The following DACH2 variants were observed in gnomAD, a reference collection of about 807,000 sequenced individuals.
The protein encoded by DACH2 is dachshund family transcription factor 2, also known as dachshund homolog 2.
A neutral mutation model predicts 35.8 loss-of-function variants in DACH2; 17 were observed. That is an observed-to-expected ratio of 0.48 (90% CI 0.33 to 0.71). The LOEUF (loss-of-function observed/expected upper bound fraction) is 0.71. Ranked by LOEUF, DACH2 falls within the 30% of genes least tolerant of loss-of-function variation. DACH2 has a pLI of 0.02. For synonymous variants in DACH2, 195 were observed against 177.3 expected (o/e 1.10, Z -0.79); for missense variants, 469 against 472.7 (o/e 0.99, Z 0.07).
rs183954019 is a variant in DACH2 at position 86,518,001 on chromosome X, G to A, written c.640+3610G>A. Reference sequence around the variant, plus strand: ...CTATGTCTAGGATGGTATTGCCTTGGTTGTCTTCAAGGGATTTTATAATTT... The same window carrying A: ...CTATGTCTAGGATGGTATTGCCTTGATTGTCTTCAAGGGATTTTATAATTT... On this transcript the variant is annotated intron_variant, in intron 3 of 11. Coordinates refer to ENST00000373125, the MANE Select transcript of DACH2 (RefSeq NM_053281.3). 2.0e-3 allele frequency among the ~76,000 whole-genome samples: 219 copies of A among 111,544 alleles called. 2 individuals are homozygous for A. The highest frequency in any genetic ancestry group is 6.9e-3 in the African/African-American group (212 of 30,706).
intron 3 of DACH2, among the ~76,000 whole-genome samples, chrX:86,526,465 T>G (rs1382865640): frequency 1.8e-5 from 2 of 111,648 alleles, no homozygotes; most frequent in Non-Finnish European, 3.8e-5. Flanking sequence ...TGTGACTTGT[T>G]TGCTCCCTTT....
intron 7 of DACH2, among the ~76,000 whole-genome samples, chrX:86,770,006 A>T (rs763673104): frequency 3.0e-4 from 32 of 106,731 alleles, no homozygotes; most frequent in South Asian, 8.2e-4. Context: ...TATAAAAAAA[A>T]TAAATAAAAA....
At position 86,309,556 on chromosome X, in the gene DACH2, C is replaced by T. The variant is rs1287931119; in HGVS notation, c.489-67268C>T. Among the ~76,000 whole-genome samples, 3 of 111,680 alleles carry T rather than the reference C, an allele frequency of 2.7e-5. No homozygotes were observed. The Admixed American group carries it at 2.9e-4, about 11-fold the overall frequency. The stretch of plus-strand genomic sequence containing the variant: ...TCACACTGGTCCATTACATTGATGA[C>T]ATTATGCTGATTGGATCCAGGGAGC... On this transcript the variant is annotated intron_variant, in intron 1 of 11. Coordinates refer to ENST00000373125, the MANE Select transcript of DACH2 (RefSeq NM_053281.3).
intron 1 of DACH2, among the ~76,000 whole-genome samples, chrX:86,338,276 C>A (rs769255764): frequency 8.9e-6 from 1 of 111,787 alleles, no homozygotes; most frequent in South Asian, 3.7e-4. Context: ...CTTCTCAGCA[C>A]CACATTACAC....
At chrX:86,744,997 G>GT (rs1382708046) in intron 7 of DACH2, among the ~76,000 whole-genome samples, 1 of 110,580 alleles carries the variant, frequency 9.0e-6, no homozygotes, top group Non-Finnish European at 1.9e-5. Context: ...CAGGAATAGG[G>GT]TTTTTGTGAT....
At chrX:86,616,440 C>G (rs1262104911) in intron 3 of DACH2, among the ~76,000 whole-genome samples, 1 of 111,653 alleles carries the variant, frequency 9.0e-6, no homozygotes, top group Non-Finnish European at 1.9e-5. Context: ...ATCTGTTATT[C>G]TTTGACTTGT....
At chrX:86,669,900 GT>G (rs1345404173) in intron 4 of DACH2, among the ~76,000 whole-genome samples, 111 of 106,916 alleles carry the variant, frequency 1.0e-3, no homozygotes, top group Non-Finnish European at 1.5e-3. Context: ...CTAGCATTAG[GT>G]TTTTTTTTTA....
chrX:86,314,203 C>T (rs1172813627), intron 1 of DACH2, among the ~76,000 whole-genome samples: 1 of 110,807 alleles, frequency 9.0e-6, no homozygotes, highest in Non-Finnish European at 1.9e-5. Flanking sequence ...AAGAATCACA[C>T]GTCTCTAGCT....
chrX:86,468,253 A>G (rs765089629), intron 2 of DACH2, among the ~76,000 whole-genome samples: 15 of 111,683 alleles, frequency 1.3e-4, no homozygotes, highest in Non-Finnish European at 2.8e-4. Flanking sequence ...TGAAATATAT[A>G]CAATCATTGA....
chrX:86,803,187 A>C (rs1046918078), intron 7 of DACH2, among the ~76,000 whole-genome samples: 4 of 111,869 alleles, frequency 3.6e-5, no homozygotes, highest in Non-Finnish European at 7.5e-5. Flanking sequence ...ACTCCAAAAA[A>C]TCAGTCAGGT....
intron 2 of DACH2, among the ~76,000 whole-genome samples, chrX:86,498,495 G>A (rs759404869): frequency 3.1e-4 from 35 of 111,932 alleles, no homozygotes; most frequent in Non-Finnish European, 5.5e-4. Flanking sequence ...TTATTAGCAT[G>A]TTCGTGTTTT....
intron 4 of DACH2, among the ~76,000 whole-genome samples, chrX:86,675,520 A>G (rs567309326): frequency 1.8e-5 from 2 of 110,944 alleles, no homozygotes; most frequent in African/African-American, 6.6e-5. Flanking sequence ...GATCGTCCCT[A>G]GAAAAACACA....
intron 7 of DACH2, among the ~76,000 whole-genome samples, chrX:86,788,518 T>C (rs1425509803): frequency 1.8e-5 from 2 of 112,214 alleles, no homozygotes; most frequent in Non-Finnish European, 3.8e-5. Flanking sequence ...CTTTTCACAA[T>C]CATTGGACTG....
At chrX:86,691,295 T>C (rs2041007600) in intron 4 of DACH2, among the ~76,000 whole-genome samples, 1 of 111,631 alleles carries the variant, frequency 9.0e-6, no homozygotes, top group Non-Finnish European at 1.9e-5. Context: ...ACTGTGACTG[T>C]ATTTGTAGCT....
At chrX:86,197,446 A>G (rs2032021633) in intron 1 of DACH2, among the ~76,000 whole-genome samples, 1 of 111,733 alleles carries the variant, frequency 8.9e-6, no homozygotes, top group Non-Finnish European at 1.9e-5. Context: ...AAATATCTCA[A>G]TTAAAAGGTG....
chrX:86,256,659 T>C (rs749990885), intron 1 of DACH2, among the ~76,000 whole-genome samples: 2 of 112,250 alleles, frequency 1.8e-5, no homozygotes, highest in East Asian at 5.6e-4. Flanking sequence ...TTGTTTTTGC[T>C]TGTTTGTTTT....
chrX:86,478,769 G>C (rs976454838), intron 2 of DACH2, among the ~76,000 whole-genome samples: 4 of 109,043 alleles, frequency 3.7e-5, no homozygotes, highest in African/African-American at 1.3e-4. Flanking sequence ...TTTGGGCTTC[G>C]ACCCATGGGC....
intron 1 of DACH2, among the ~76,000 whole-genome samples, chrX:86,280,240 C>T (rs1470163918): frequency 4.5e-5 from 5 of 112,138 alleles, no homozygotes; most frequent in Admixed American, 9.5e-5. Context: ...GCCCATCAGA[C>T]TAACAGTGGA....
intron 7 of DACH2, among the ~76,000 whole-genome samples, chrX:86,785,961 A>T (rs2042132782): frequency 9.0e-6 from 1 of 111,671 alleles, no homozygotes; most frequent in African/African-American, 3.3e-5. Flanking sequence ...CTATCTCAGA[A>T]TTCGACAATC....
Sources: allele counts gnomAD v4.1 joint callset (sites outside exome capture counted in the v4.1 genomes callset), GRCh38; gene constraint gnomAD v4.1.1; transcripts MANE v1.5; gene names NCBI Gene and HGNC (gene_info 2026-07-23, HGNC 2026-07-21).